KDM6A: variants seen among roughly 807,000 people sequenced by gnomAD.
The protein encoded by KDM6A is lysine demethylase 6A, also known as lysine-specific demethylase 6A.
Under a neutral mutation model 117.6 loss-of-function variants are expected in KDM6A, and 11 were observed. The ratio of observed to expected loss-of-function variants is 0.09; its 90% CI spans 0.06 to 0.15. KDM6A has a LOEUF of 0.15. Among genes scored for constraint, KDM6A ranks in the 10% least tolerant of loss-of-function variants. The pLI is 1.00. For missense variants in KDM6A, 799 were observed against 1,077.3 expected, an observed-to-expected ratio of 0.74 and a Z score of 3.62; for synonymous variants, 384 against 396.1, an observed-to-expected ratio of 0.97 and a Z score of 0.36.
At chrX:45,100,527 T>A (rs2046300128) in intron 27 of KDM6A, among the ~76,000 whole-genome samples, 4 of 111,642 alleles carry the variant, frequency 3.6e-5, no homozygotes, top group Non-Finnish European at 7.5e-5. Context: ...AGGAGTGCAT[T>A]TTCCTCTGAA....
intron 2 of KDM6A, among the ~76,000 whole-genome samples, chrX:44,885,623 C>A (rs2032788366): frequency 9.1e-6 from 1 of 110,441 alleles, no homozygotes; most frequent in South Asian, 3.9e-4. Flanking sequence ...GTGATCCCAG[C>A]ACTTTCAGGG....
chrX:45,042,275 GAGGGGAGAGGGGAGAGGGGAGA>G lies in KDM6A; in HGVS notation c.654+4587_654+4608del, dbSNP rs1569528725. Among the ~76,000 whole-genome samples the G allele has an allele frequency of 4.8e-4, 14 of 29,316 alleles. 1 individual carries two copies. The highest frequency in any genetic ancestry group is 4.4e-3 in the African/African-American group (11 of 2,506). The allele number at this position is 29,316 out of a possible 115,157, so 25.5% of individuals were successfully genotyped here. On this transcript the variant is annotated intron_variant, in intron 8 of 29. Transcript: ENST00000611820. ...CCGTGGAGGGAGAGGGGAGAGGGGA[GAGGGGAGAGGGGAGAGGGGAGA>G]GGGGAGAGGGAGAGTCATTTGATAA...
intron 4 of KDM6A, among the ~76,000 whole-genome samples, chrX:45,004,410 T>G (rs1326996327): frequency 1.8e-5 from 2 of 111,716 alleles, no homozygotes; most frequent in African/African-American, 3.3e-5. Context: ...TCACATATAC[T>G]TTCTGAGCTT....
chrX:45,085,682 C>G (rs749679048), intron 24 of KDM6A, among the ~76,000 whole-genome samples, 183 bp from the exon 25 acceptor site: 9 of 111,729 alleles, frequency 8.1e-5, no homozygotes, highest in Non-Finnish European at 1.5e-4. Context: ...CACAAAAATG[C>G]TACAGTGATG....
intron 2 of KDM6A, among the ~76,000 whole-genome samples, chrX:44,881,756 C>T (rs1337117416): frequency 9.4e-6 from 1 of 106,615 alleles, no homozygotes; most frequent in Non-Finnish European, 1.9e-5. Flanking sequence ...GTCGCAATCT[C>T]GACTCACTGC....
chrX:44,942,808 G>GT (rs2037410804), intron 2 of KDM6A, among the ~76,000 whole-genome samples: 1 of 110,144 alleles, frequency 9.1e-6, no homozygotes, highest in East Asian at 2.9e-4. Context: ...TACTGTAAAT[G>GT]TTTTTTTAAA....
At chrX:44,894,606 TTA>T (rs2033645274) in intron 2 of KDM6A, among the ~76,000 whole-genome samples, 2 of 99,795 alleles carry the variant, frequency 2.0e-5, no homozygotes, top group African/African-American at 3.8e-5. Context: ...GTCAACTTAA[TTA>T]ATTAATTAAT....
chrX:45,101,217 A>G (rs1003637001), intron 27 of KDM6A, among the ~76,000 whole-genome samples: 1 of 111,347 alleles, frequency 9.0e-6, no homozygotes, highest in African/African-American at 3.3e-5. Context: ...TAGCTTCTTC[A>G]TTTATTGGCT....
intron 2 of KDM6A, among the ~76,000 whole-genome samples, chrX:44,926,093 CAG>C (rs915070958): frequency 1.2e-4 from 12 of 96,927 alleles, no homozygotes; most frequent in African/African-American, 4.6e-4. Flanking sequence ...TGTTTTGCAG[CAG>C]AGTCTCACTC....
rs1199821175 is a variant in KDM6A, at chrX:45,040,130, G to A, written c.654+2441G>A. Among the ~76,000 whole-genome samples the A allele has an allele frequency of 5.9e-3, 335 of 56,932 alleles. 1 individual carries two copies. Among genetic ancestry groups the A allele is most frequent in the Non-Finnish European group, 9.0e-3 (273 of 30,446 alleles). 49.4% of individuals were successfully genotyped at this position (56,932 alleles called of 115,157 possible). ...CACCTCCCGGATGGGGCGGCTGGCC[G>A]GGCGGGGGGCTGACCCCCCCACCAT... is the stretch of plus-strand genomic sequence containing the variant. On this transcript the variant is annotated intron_variant, in intron 8 of 29. Coordinates refer to ENST00000611820, the MANE Select transcript of KDM6A (RefSeq NM_001291415.2).
At chrX:44,975,950 A>C (rs1010336873) in intron 4 of KDM6A, among the ~76,000 whole-genome samples, 2 of 112,486 alleles carry the variant, frequency 1.8e-5, no homozygotes, top group African/African-American at 6.5e-5. Context: ...GGCCTCTTCA[A>C]CTGTGTGCTG....
At chrX:45,049,094 G>T (rs1414778422) in intron 8 of KDM6A, among the ~76,000 whole-genome samples, 1 of 111,148 alleles carries the variant, frequency 9.0e-6, no homozygotes, top group African/African-American at 3.3e-5. Context: ...TAGCATATTT[G>T]TATTCCTAAT....
chrX:44,989,107 G>T (rs2040426155), intron 4 of KDM6A, among the ~76,000 whole-genome samples: 1 of 105,982 alleles, frequency 9.4e-6, no homozygotes, highest in Non-Finnish European at 1.9e-5. Context: ...TCGGCAATGG[G>T]GGCGCCCCTC....
intron 8 of KDM6A, among the ~76,000 whole-genome samples, chrX:45,047,687 T>C (rs867445498): frequency 0.034 from 2,358 of 69,498 alleles, 135 homozygotes; most frequent in African/African-American, 0.12. Flanking sequence ...TTTTTTTTTT[T>C]TTTTTTTTTT....
intron 4 of KDM6A, among the ~76,000 whole-genome samples, chrX:45,008,418 T>C (rs890646747): frequency 7.2e-5 from 8 of 111,461 alleles, no homozygotes; most frequent in African/African-American, 2.6e-4. Flanking sequence ...CTCATATTTC[T>C]ATAGTACGCT....
intron 6 of KDM6A, among the ~76,000 whole-genome samples, chrX:45,025,823 T>C (rs1212463602): frequency 8.9e-6 from 1 of 112,449 alleles, no homozygotes; most frequent in African/African-American, 3.2e-5. Context: ...GGGTGCCTTT[T>C]TTATGGAAAC....
intron 21 of KDM6A, 74 bp from the exon 22 acceptor site, chrX:45,082,502 T>C (rs2045456352): frequency 3.0e-6 from 2 of 674,386 alleles, no homozygotes; most frequent in African/African-American, 2.2e-5. Context: ...ATATGAACTT[T>C]TTTTCAGTTG....
intron 6 of KDM6A, among the ~76,000 whole-genome samples, chrX:45,031,108 T>G (rs970966056): frequency 8.9e-6 from 1 of 112,457 alleles, no homozygotes; most frequent in Non-Finnish European, 1.9e-5. Flanking sequence ...ACTTAAATGG[T>G]CATTATAACC....
chrX:44,876,709 C>T (rs918426031), intron 2 of KDM6A, among the ~76,000 whole-genome samples: 18 of 92,670 alleles, frequency 1.9e-4, no homozygotes, highest in Non-Finnish European at 2.6e-4. Context: ...TACTTGTTTT[C>T]AAAAATTCTT....
Sources: gnomAD v4.1 joint callset for allele counts (sites outside exome capture counted in the v4.1 genomes callset) on GRCh38, gnomAD v4.1.1 for gene constraint, MANE v1.5 for transcripts, NCBI Gene and HGNC (gene_info 2026-07-23, HGNC 2026-07-21) for gene names.